Variants in STRN observed in about 807,000 individuals in gnomAD.
STRN encodes the protein protein phosphatase 2 regulatory subunit B'''alpha.
STRN carries 53 observed loss-of-function variants against 96.3 expected under a neutral mutation model. The observed-to-expected ratio is 0.55, with a 90% CI of 0.44 to 0.69. STRN has a LOEUF of 0.69. Among genes scored for constraint, STRN ranks in the 30% least tolerant of loss-of-function variants. The pLI, the probability that STRN is intolerant of heterozygous loss-of-function variation, is 0.00. For synonymous variants in STRN, 428 were observed against 355.9 expected, an observed-to-expected ratio of 1.20 and a Z score of -2.28; for missense variants, 987 against 963.9, an observed-to-expected ratio of 1.02 and a Z score of -0.32.
intron 1 of STRN, among the ~76,000 whole-genome samples, chr2:36,953,215 C>A (rs1053697845): frequency 4.6e-5 from 7 of 152,088 alleles, no homozygotes; most frequent in Non-Finnish European, 8.8e-5. Flanking sequence ...TCAATACTTC[C>A]CCAGCTCACC....
intron 14 of STRN, among the ~76,000 whole-genome samples, chr2:36,856,767 C>T (rs148096970): frequency 5.4e-4 from 82 of 152,286 alleles, no homozygotes; most frequent in Middle Eastern, 6.8e-3. Flanking sequence ...ATTGGAGATA[C>T]GGCCTGGCGG....
chr2:36,869,768 T>G (rs1572634870), intron 10 of STRN, 39 bp from the exon 11 acceptor site: 3 of 1,458,120 alleles, frequency 2.1e-6, no homozygotes. Flanking sequence ...ACACACTTAG[T>G]TAAGGATAGG....
Position 36,841,788 on chromosome 2 carries a change from T to C in STRN, c.*7668A>G, listed in dbSNP as rs1572613189. On this transcript the variant is annotated 3_prime_UTR_variant, in exon 18 of 18. Transcript: ENST00000263918. ...CCATGGGGCTCTAGGATACTTTTGA[T>C]ATATTTCCTAAAAATATTTAATTTA... 6.6e-6 allele frequency: 1 copy of C among 152,230 alleles called. No homozygotes were observed. Among genetic ancestry groups the C allele is most frequent in the Non-Finnish European group, 1.5e-5 (1 of 68,040 alleles). The allele number at this position is 152,230 out of a possible 1,614,324, so 9.4% of individuals were successfully genotyped here.
chr2:36,850,736 T>C (rs1323439690), intron 16 of STRN, among the ~76,000 whole-genome samples: 1 of 152,200 alleles, frequency 6.6e-6, no homozygotes, highest in Admixed American at 6.5e-5. Context: ...CTTTTCCTGG[T>C]GTCCCTAGTG....
At chr2:36,881,854 T>C (rs143198759) in intron 9 of STRN, among the ~76,000 whole-genome samples, 27 of 152,330 alleles carry the variant, frequency 1.8e-4, no homozygotes, top group African/African-American at 6.0e-4. Context: ...AAAACTAACT[T>C]TTCTCCTTAT....
intron 4 of STRN, 89 bp downstream of exon 4, chr2:36,905,451 C>G (rs1669796181): frequency 2.6e-6 from 3 of 1,148,850 alleles, no homozygotes; most frequent in Non-Finnish European, 3.9e-6. Flanking sequence ...ATAAAATATT[C>G]ATCTGACTTG....
intron 1 of STRN, among the ~76,000 whole-genome samples, chr2:36,939,480 G>A (rs1275314945): frequency 4.6e-5 from 7 of 152,028 alleles, no homozygotes; most frequent in Admixed American, 1.3e-4. Context: ...GTAACATGAG[G>A]TAGGAATCAA....
chr2:36,898,332 T>C (rs1354532253), intron 6 of STRN, among the ~76,000 whole-genome samples: 1 of 152,218 alleles, frequency 6.6e-6, no homozygotes, highest in Non-Finnish European at 1.5e-5. Flanking sequence ...CCTTTTACTA[T>C]GGTAAATTAA....
chr2:36,927,534 G>C (rs116097892), intron 1 of STRN, among the ~76,000 whole-genome samples: 19 of 143,724 alleles, frequency 1.3e-4, no homozygotes, highest in Admixed American at 7.0e-4. Flanking sequence ...AGGGGGGGGG[G>C]GGTGGTAATC....
chr2:36,925,032 G>T, intron 2 of STRN, 73 bp downstream of exon 2: 1 of 1,389,132 alleles, frequency 7.2e-7, no homozygotes, highest in Non-Finnish European at 1.0e-6. Flanking sequence ...CCCCAGCCTG[G>T]GCAACAAGAA....
At chr2:36,881,359 C>G (rs1012061166) in intron 9 of STRN, among the ~76,000 whole-genome samples, 14 of 152,058 alleles carry the variant, frequency 9.2e-5, no homozygotes, top group African/African-American at 3.1e-4. Context: ...AATTTCTGGC[C>G]TCAAGTGATC....
chr2:36,920,148 T>C (rs1268210411), intron 2 of STRN, among the ~76,000 whole-genome samples: 2 of 152,152 alleles, frequency 1.3e-5, no homozygotes, highest in Admixed American at 6.5e-5. Context: ...ACAAAAACAT[T>C]AACTGTTAAA....
chr2:36,857,703 T>C (rs1245763024), intron 14 of STRN, among the ~76,000 whole-genome samples, 153 bp downstream of exon 14: 2 of 151,954 alleles, frequency 1.3e-5, no homozygotes, highest in Non-Finnish European at 2.9e-5. Context: ...CAAAATTATA[T>C]ATAGGTTGGA....
In STRN at chr2:36,843,727, A is replaced by C. The variant is rs1019992911; in HGVS notation, c.*5729T>G. ...AAATCAGACTATGTTAATTTAACTG[A>C]TTACTGTAAAGCCACAGCTAGATCC... is the stretch of plus-strand genomic sequence containing the variant. On this transcript the variant is annotated 3_prime_UTR_variant, in exon 18 of 18. Coordinates refer to ENST00000263918, the MANE Select transcript of STRN (RefSeq NM_003162.4). 6 of 152,336 alleles carry C rather than the reference A, an allele frequency of 3.9e-5. No individual in the cohort carries two copies. The highest frequency in any genetic ancestry group is 1.4e-4 in the African/African-American group (6 of 41,562). The allele number at this position is 152,336 out of a possible 1,614,324, so 9.4% of individuals were successfully genotyped here. A position where few individuals can be genotyped will look rare whatever the true frequency, so the allele number is the denominator to read the frequency against.
At chr2:36,926,315 C>T (rs1670408071) in intron 1 of STRN, among the ~76,000 whole-genome samples, 1 of 152,146 alleles carries the variant, frequency 6.6e-6, no homozygotes, top group Non-Finnish European at 1.5e-5. Flanking sequence ...GTTAAAGTGA[C>T]TCATAATACC....
intron 8 of STRN, among the ~76,000 whole-genome samples, chr2:36,885,516 A>G (rs950241454): frequency 2.6e-5 from 4 of 152,130 alleles, no homozygotes; most frequent in African/African-American, 9.6e-5. Flanking sequence ...TTATGTTTTA[A>G]TATTAATCTT....
chr2:36,914,151 A>G (rs1055941780), intron 3 of STRN, among the ~76,000 whole-genome samples: 3 of 152,112 alleles, frequency 2.0e-5, no homozygotes, highest in Admixed American at 6.6e-5. Context: ...CACCATCCCC[A>G]GCTAATTTTT....
At chr2:36,953,123 T>A (rs1056873728) in intron 1 of STRN, among the ~76,000 whole-genome samples, 1 of 152,206 alleles carries the variant, frequency 6.6e-6, no homozygotes, top group Non-Finnish European at 1.5e-5. Flanking sequence ...TAATGAAACA[T>A]TCCCCCGGCC....
At chr2:36,864,402 G>A (rs979962423) in intron 12 of STRN, among the ~76,000 whole-genome samples, 4 of 152,176 alleles carry the variant, frequency 2.6e-5, no homozygotes, top group South Asian at 4.1e-4. Context: ...TTCTGCATCT[G>A]TTGAGATGAT....
Sources: gnomAD v4.1 joint callset for allele counts (sites outside exome capture counted in the v4.1 genomes callset) on GRCh38, gnomAD v4.1.1 for gene constraint, MANE v1.5 for transcripts, NCBI Gene and HGNC (gene_info 2026-07-23, HGNC 2026-07-21) for gene names.